FTO: variants seen among roughly 807,000 people sequenced by gnomAD.
FTO encodes the protein alpha-ketoglutarate-dependent dioxygenase FTO.
In FTO, 47 loss-of-function variants were observed where a neutral mutation model predicts 63.9. The observed-to-expected ratio is 0.74, with a 90% CI of 0.58 to 0.94. The LOEUF is 0.94. FTO is among the 40% of genes least tolerant of loss of function. FTO has a pLI of 0.00. For missense variants in FTO, 562 were observed against 618.1 expected, an observed-to-expected ratio of 0.91 and a Z score of 0.96; for synonymous variants, 207 against 224.4, an observed-to-expected ratio of 0.92 and a Z score of 0.69.
chr16:53,923,796 C>T (rs185117507), intron 7 of FTO, among the ~76,000 whole-genome samples: 24 of 152,040 alleles, frequency 1.6e-4, no homozygotes, highest in African/African-American at 5.1e-4. Flanking sequence ...CCCCAGCATC[C>T]GAGCTTAAAC....
intron 1 of FTO, among the ~76,000 whole-genome samples, chr16:53,762,868 C>T (rs144779989): frequency 2.0e-5 from 3 of 152,240 alleles, no homozygotes; most frequent in African/African-American, 7.2e-5. Context: ...CTTGCCACTA[C>T]AAGTTTAAAG....
chr16:54,111,032 A>G (rs1567578156), intron 8 of FTO, among the ~76,000 whole-genome samples: 1 of 152,196 alleles, frequency 6.6e-6, no homozygotes, highest in Admixed American at 6.5e-5. Context: ...CTGTGAGGCT[A>G]TAATTTAGCT....
intron 8 of FTO, among the ~76,000 whole-genome samples, chr16:54,109,796 C>A (rs1297656235): frequency 1.3e-5 from 2 of 152,116 alleles, no homozygotes; most frequent in African/African-American, 4.8e-5. Flanking sequence ...GAGGCAAAAC[C>A]CATTTGACAG....
intron 8 of FTO, chr16:54,008,695 A>C (rs1451021308): frequency 6.6e-6 from 1 of 151,468 alleles, no homozygotes; most frequent in Non-Finnish European, 1.5e-5. Flanking sequence ...GTTTCTTGTA[A>C]TTTCTTACCC....
At chr16:53,889,911 T>G (rs2081105631) in intron 7 of FTO, among the ~76,000 whole-genome samples, 1 of 152,186 alleles carries the variant, frequency 6.6e-6, no homozygotes, top group Admixed American at 6.5e-5. Context: ...CTGTAAAACT[T>G]CTTTAACTTT....
At chr16:54,005,318 CCAG>C (rs1219671569) in intron 8 of FTO, among the ~76,000 whole-genome samples, 11 of 142,372 alleles carry the variant, frequency 7.7e-5, no homozygotes, top group African/African-American at 2.3e-4. Flanking sequence ...CCTATGAAGG[CCAG>C]CAGATTTTAT....
chr16:54,108,350 GATCCCTTCTGA>G (rs1158176824), intron 8 of FTO, among the ~76,000 whole-genome samples: 1 of 152,158 alleles, frequency 6.6e-6, no homozygotes, highest in Middle Eastern at 3.2e-3. Flanking sequence ...AATAACTGCT[GATCCCTTCTGA>G]ATCTGAACAT....
At chr16:54,018,199 C>T (rs1486839512) in intron 8 of FTO, among the ~76,000 whole-genome samples, 2 of 152,054 alleles carry the variant, frequency 1.3e-5, no homozygotes, top group African/African-American at 2.4e-5. Flanking sequence ...AGAGCTTACC[C>T]AAGGTAAAAT....
chr16:53,933,937 TATTA>T, intron 7 of FTO, 44 bp from the exon 8 acceptor site: 1 of 1,586,402 alleles, frequency 6.3e-7, no homozygotes, highest in Non-Finnish European at 8.6e-7. Flanking sequence ...TTTTTTTTAT[TATTA>T]ATTTTTCACT....
At chr16:53,728,872 C>T (rs2076209162) in intron 1 of FTO, among the ~76,000 whole-genome samples, 1 of 150,716 alleles carries the variant, frequency 6.6e-6, no homozygotes, top group African/African-American at 2.4e-5. Flanking sequence ...AAGTGATTCT[C>T]CTGCCTCAGC....
intron 8 of FTO, among the ~76,000 whole-genome samples, chr16:53,988,376 CG>C (rs2083723115): frequency 6.6e-6 from 1 of 152,040 alleles, no homozygotes; most frequent in Non-Finnish European, 1.5e-5. Context: ...TTATTTTTTA[CG>C]TTGGGGCCTT....
intron 4 of FTO, among the ~76,000 whole-genome samples, chr16:53,868,295 AGTTTT>A (rs1194127493): frequency 1.3e-5 from 2 of 151,676 alleles, no homozygotes; most frequent in Non-Finnish European, 2.9e-5. Context: ...CTGCTTTTAT[AGTTTT>A]GAGTATTTCA....
intron 8 of FTO, among the ~76,000 whole-genome samples, chr16:54,079,059 A>G (rs1237566008): frequency 6.6e-6 from 1 of 152,206 alleles, no homozygotes; most frequent in Non-Finnish European, 1.5e-5. Flanking sequence ...GTTTTTTAAC[A>G]ATTAATTTGA....
At chr16:53,812,352 C>G (rs966223178) in intron 2 of FTO, among the ~76,000 whole-genome samples, 1 of 151,518 alleles carries the variant, frequency 6.6e-6, no homozygotes, top group Non-Finnish European at 1.5e-5. Flanking sequence ...CTCACTGCAC[C>G]CTCTGCCTCC....
chr16:53,790,453 A>G (rs1429121590), intron 1 of FTO, among the ~76,000 whole-genome samples: 1 of 151,880 alleles, frequency 6.6e-6, no homozygotes, highest in African/African-American at 2.4e-5. Flanking sequence ...ATGTTGGCTC[A>G]CACCTGTAAT....
intron 1 of FTO, among the ~76,000 whole-genome samples, chr16:53,715,303 T>C (rs2075869340): frequency 6.6e-6 from 1 of 152,170 alleles, no homozygotes; most frequent in Non-Finnish European, 1.5e-5. Flanking sequence ...TATGCTGGTG[T>C]TTTATGTTCC....
chr16:53,937,103 G>C, intron 8 of FTO: 1 of 396,042 alleles, frequency 2.5e-6, no homozygotes, highest in Middle Eastern at 6.4e-4. Context: ...GCATGACTTG[G>C]GGTAACCGAG....
intron 1 of FTO, among the ~76,000 whole-genome samples, chr16:53,709,822 A>G (rs913103949): frequency 1.1e-4 from 17 of 152,212 alleles, no homozygotes; most frequent in Non-Finnish European, 7.3e-5. Flanking sequence ...CGGAGACATC[A>G]GTCCTCTTTA....
intron 8 of FTO, among the ~76,000 whole-genome samples, chr16:54,057,686 G>A (rs765548544): frequency 1.3e-5 from 2 of 151,628 alleles, no homozygotes; most frequent in Non-Finnish European, 2.9e-5. Flanking sequence ...TTGCCCAGCT[G>A]GGCAAATGGT....
Sources: gnomAD v4.1 joint callset for allele counts (sites outside exome capture counted in the v4.1 genomes callset) on GRCh38, gnomAD v4.1.1 for gene constraint, MANE v1.5 for transcripts, NCBI Gene and HGNC (gene_info 2026-07-23, HGNC 2026-07-21) for gene names.